The following MDGA2 variants were observed in gnomAD, a reference collection of about 807,000 sequenced individuals.
The protein encoded by MDGA2 is MAM domain-containing glycosylphosphatidylinositol anchor protein 2.
A neutral mutation model predicts 117.8 loss-of-function variants in MDGA2; 40 were observed. The observed-to-expected ratio is 0.34, with a 90% CI of 0.26 to 0.44. The LOEUF is 0.44. MDGA2 is among the 20% of genes least tolerant of loss of function. The pLI is 1.00. For synonymous variants in MDGA2, 452 were observed against 439.0 expected (o/e 1.03, Z -0.37); for missense variants, 1,123 against 1,250.6 (o/e 0.90, Z 1.54).
At chr14:47,127,103 A>T (rs1274762981) in intron 5 of MDGA2, among the ~76,000 whole-genome samples, 3 of 152,196 alleles carry the variant, frequency 2.0e-5, no homozygotes, top group African/African-American at 7.2e-5. Flanking sequence ...TTAACGAAAC[A>T]TATTACAATA....
At chr14:47,518,447 CTAAT>C (rs1383976065) in intron 1 of MDGA2, among the ~76,000 whole-genome samples, 3 of 152,038 alleles carry the variant, frequency 2.0e-5, no homozygotes, top group East Asian at 3.9e-4. Flanking sequence ...TTATAAGATA[CTAAT>C]TAATTGCTTA....
intron 5 of MDGA2, among the ~76,000 whole-genome samples, chr14:47,109,442 T>G (rs1420088590): frequency 6.6e-6 from 1 of 152,176 alleles, no homozygotes; most frequent in Non-Finnish European, 1.5e-5. Context: ...ATTAGGACAT[T>G]TGCCCCTATG....
intron 11 of MDGA2, among the ~76,000 whole-genome samples, chr14:46,881,819 C>T (rs188669819): frequency 6.6e-6 from 1 of 152,016 alleles, no homozygotes; most frequent in Admixed American, 6.6e-5. Context: ...CACATAGGTT[C>T]ACAATTAACT....
intron 2 of MDGA2, among the ~76,000 whole-genome samples, chr14:47,286,499 T>A (rs1888674429): frequency 1.3e-5 from 2 of 152,080 alleles, no homozygotes; most frequent in Non-Finnish European, 2.9e-5. Context: ...TCTGTGCCTG[T>A]TTTATTTCAC....
At position 47,310,004 on chromosome 14, in the gene MDGA2, A is replaced by C. The variant is rs1889583132; in HGVS notation, c.281-8454T>G. 2.0e-5 allele frequency among the ~76,000 whole-genome samples: 3 copies of C among 152,320 alleles called. No individual in the cohort carries two copies. In the South Asian group the frequency reaches 6.2e-4, roughly 32 times the overall value. On this transcript the variant is annotated intron_variant, in intron 1 of 16. Coordinates refer to ENST00000399232, the MANE Select transcript of MDGA2 (RefSeq NM_001113498.3). ...TTTGACAAGTATTAACTTTATAAAA[A>C]ATTGAATACAAAATTGCAAAATATT...
intron 9 of MDGA2, among the ~76,000 whole-genome samples, chr14:46,951,802 G>C (rs1167662773): frequency 6.6e-6 from 1 of 151,920 alleles, no homozygotes; most frequent in East Asian, 1.9e-4. Context: ...ATCTAGCTAA[G>C]CCATGCTTGG....
At chr14:46,937,203 G>A (rs527755873) in intron 9 of MDGA2, among the ~76,000 whole-genome samples, 12 of 150,594 alleles carry the variant, frequency 8.0e-5, no homozygotes, top group Non-Finnish European at 1.5e-4. Flanking sequence ...CAGGCACACC[G>A]CTCCCCCGAC....
chr14:47,250,055 T>C (rs953579917), intron 2 of MDGA2, among the ~76,000 whole-genome samples: 1 of 152,162 alleles, frequency 6.6e-6, no homozygotes, highest in African/African-American at 2.4e-5. Context: ...GACACAAGAT[T>C]ATGAAGGAAA....
chr14:46,971,948 A>T (rs946860678), intron 8 of MDGA2, among the ~76,000 whole-genome samples: 4 of 152,156 alleles, frequency 2.6e-5, no homozygotes, highest in Non-Finnish European at 5.9e-5. Context: ...GGTTGTTGAA[A>T]CAATGGAAAG....
chr14:47,234,074 T>C (rs1217037279), intron 2 of MDGA2, among the ~76,000 whole-genome samples: 1 of 152,078 alleles, frequency 6.6e-6, no homozygotes, highest in Non-Finnish European at 1.5e-5. Flanking sequence ...ATTTTTCTTG[T>C]CACTGAACTT....
chr14:47,217,378 T>C (rs1176832257), intron 3 of MDGA2, among the ~76,000 whole-genome samples: 37 of 151,986 alleles, frequency 2.4e-4, no homozygotes, highest in Non-Finnish European at 7.4e-5. Flanking sequence ...GGGAATTAAG[T>C]AAGGAGACCA....
chr14:47,644,275 T>C (rs1224998701), intron 1 of MDGA2, among the ~76,000 whole-genome samples: 1 of 152,156 alleles, frequency 6.6e-6, no homozygotes, highest in African/African-American at 2.4e-5. Context: ...GATCATCCAA[T>C]TGGGCTCAAT....
At chr14:47,327,806 C>T (rs1890185972) in intron 1 of MDGA2, among the ~76,000 whole-genome samples, 1 of 152,054 alleles carries the variant, frequency 6.6e-6, no homozygotes, top group African/African-American at 2.4e-5. Context: ...GTTCAACAAC[C>T]TAGGATACTT....
In MDGA2 at chr14:47,233,674, C is replaced by G. The variant is rs185998774; in HGVS notation, c.421-15479G>C. On this transcript the variant is annotated intron_variant, in intron 2 of 16. Coordinates refer to ENST00000399232, the MANE Select transcript of MDGA2 (RefSeq NM_001113498.3). Reference sequence around the variant, plus strand: ...AAAGATGTTACTATAGAAAATTTTACGCAAAGGGCGGGAAAACAACATTTT... The same window carrying G: ...AAAGATGTTACTATAGAAAATTTTAGGCAAAGGGCGGGAAAACAACATTTT... Among the ~76,000 whole-genome samples the G allele has an allele frequency of 8.5e-5, 13 of 152,130 alleles. No homozygotes were observed. In the East Asian group the frequency reaches 2.5e-3, roughly 29 times the overall value.
At chr14:47,617,718 C>A (rs1896972521) in intron 1 of MDGA2, among the ~76,000 whole-genome samples, 1 of 152,024 alleles carries the variant, frequency 6.6e-6, no homozygotes, top group African/African-American at 2.4e-5. Flanking sequence ...ATATTTATTG[C>A]TTTTTCCTTA....
At chr14:47,118,067 A>G (rs1424706996) in intron 5 of MDGA2, among the ~76,000 whole-genome samples, 2 of 152,306 alleles carry the variant, frequency 1.3e-5, no homozygotes, top group South Asian at 4.1e-4. Flanking sequence ...TAAAATGACA[A>G]TTTTAAACTA....
chr14:47,173,192 C>T (rs550113055), intron 3 of MDGA2, among the ~76,000 whole-genome samples: 9 of 152,234 alleles, frequency 5.9e-5, no homozygotes, highest in Middle Eastern at 6.8e-3. Flanking sequence ...GTGAAAGTGA[C>T]GGGGAGAATG....
intron 5 of MDGA2, among the ~76,000 whole-genome samples, chr14:47,107,682 C>T (rs921420298): frequency 3.4e-4 from 51 of 151,414 alleles, no homozygotes; most frequent in Admixed American, 2.8e-3. Flanking sequence ...CTCTCAAACC[C>T]AAGCACCTTC....
At chr14:46,946,116 T>C (rs922343875) in intron 9 of MDGA2, among the ~76,000 whole-genome samples, 1 of 152,078 alleles carries the variant, frequency 6.6e-6, no homozygotes, top group Non-Finnish European at 1.5e-5. Context: ...CTAAATGATG[T>C]TTTAATTTAA....
Sources: gnomAD v4.1 joint callset for allele counts (sites outside exome capture counted in the v4.1 genomes callset) on GRCh38, gnomAD v4.1.1 for gene constraint, MANE v1.5 for transcripts, NCBI Gene and HGNC (gene_info 2026-07-23, HGNC 2026-07-21) for gene names.